LSAMP: variants seen among roughly 807,000 people sequenced by gnomAD.
LSAMP encodes limbic system associated membrane protein.
LSAMP carries 7 observed loss-of-function variants against 38.6 expected under a neutral mutation model. The ratio of observed to expected loss-of-function variants is 0.18; its 90% CI spans 0.10 to 0.34. The LOEUF is 0.34. Ranked by LOEUF, LSAMP falls within the 10% of genes least tolerant of loss-of-function variation. The pLI is 1.00. For synonymous variants in LSAMP, 154 were observed against 166.8 expected (o/e 0.92, Z 0.59); for missense variants, 313 against 420.0 (o/e 0.75, Z 2.23).
intron 1 of LSAMP, among the ~76,000 whole-genome samples, chr3:116,399,533 C>G (rs1043815379): frequency 3.3e-5 from 5 of 152,106 alleles, no homozygotes; most frequent in Non-Finnish European, 7.4e-5. Context: ...TGGTTAGGAT[C>G]AAACACAGAG....
intron 1 of LSAMP, among the ~76,000 whole-genome samples, chr3:116,191,084 G>A (rs953345622): frequency 2.0e-5 from 3 of 152,120 alleles, no homozygotes; most frequent in African/African-American, 4.8e-5. Flanking sequence ...TTAGCCCGGC[G>A]TGGTGACTCG....
At chr3:116,116,580 G>C (rs1047740342) in intron 1 of LSAMP, among the ~76,000 whole-genome samples, 1 of 151,392 alleles carries the variant, frequency 6.6e-6, no homozygotes, top group African/African-American at 2.4e-5. Flanking sequence ...AGCTGGGCGT[G>C]GTGGTGCATG....
chr3:115,886,127 C>T (rs1437458171), intron 3 of LSAMP, among the ~76,000 whole-genome samples: 1 of 151,896 alleles, frequency 6.6e-6, no homozygotes, highest in African/African-American at 2.4e-5. Flanking sequence ...CTTGCCCTTC[C>T]TCTGCCTTTT....
At chr3:115,868,207 G>A (rs1935915819) in intron 3 of LSAMP, among the ~76,000 whole-genome samples, 1 of 152,102 alleles carries the variant, frequency 6.6e-6, no homozygotes, top group Non-Finnish European at 1.5e-5. Context: ...CACAGAAAGA[G>A]CTGTGGGCCA....
At chr3:116,432,221 G>A (rs1391234196) in intron 1 of LSAMP, among the ~76,000 whole-genome samples, 3 of 151,868 alleles carry the variant, frequency 2.0e-5, no homozygotes, top group Non-Finnish European at 2.9e-5. Flanking sequence ...CTATTAAAGT[G>A]TGACGTGACC....
At chr3:116,094,342 T>C (rs138528938) in intron 1 of LSAMP, among the ~76,000 whole-genome samples, 19 of 152,318 alleles carry the variant, frequency 1.2e-4, no homozygotes, top group African/African-American at 3.8e-4. Flanking sequence ...TGACCTCTGG[T>C]TGGACCCCTG....
intron 3 of LSAMP, among the ~76,000 whole-genome samples, chr3:115,898,982 C>T (rs534212656): frequency 1.3e-5 from 2 of 152,186 alleles, no homozygotes; most frequent in South Asian, 4.2e-4. Context: ...ACGTGTACAG[C>T]CATGGGTGTC....
intron 1 of LSAMP, among the ~76,000 whole-genome samples, chr3:116,268,911 C>T (rs1466020978): frequency 6.6e-6 from 1 of 151,936 alleles, no homozygotes; most frequent in African/African-American, 2.4e-5. Flanking sequence ...GCAGTCCAAC[C>T]AGATTAAAGA....
intron 3 of LSAMP, among the ~76,000 whole-genome samples, chr3:115,920,720 T>C (rs930986480): frequency 2.6e-5 from 4 of 152,250 alleles, no homozygotes; most frequent in Admixed American, 6.5e-5. Context: ...TGGGCAATAG[T>C]GTCTTTCAAA....
At chr3:116,264,640 C>T (rs1443652782) in intron 1 of LSAMP, among the ~76,000 whole-genome samples, 3 of 152,188 alleles carry the variant, frequency 2.0e-5, no homozygotes, top group Non-Finnish European at 2.9e-5. Flanking sequence ...TTTGCTCTGT[C>T]GCCCAGGCTA....
chr3:116,098,750 A>C (rs888164923), intron 1 of LSAMP, among the ~76,000 whole-genome samples: 1 of 152,052 alleles, frequency 6.6e-6, no homozygotes, highest in South Asian at 2.1e-4. Flanking sequence ...TCTCTCACCA[A>C]AGCATTTTTT....
chr3:116,027,937 A>T (rs532649715), intron 2 of LSAMP, among the ~76,000 whole-genome samples: 12 of 152,178 alleles, frequency 7.9e-5, no homozygotes, highest in Non-Finnish European at 1.8e-4. Flanking sequence ...GTTATTGTTC[A>T]TTCAAAGATG....
At chr3:116,096,644 C>T (rs1468514058) in intron 1 of LSAMP, among the ~76,000 whole-genome samples, 1 of 152,212 alleles carries the variant, frequency 6.6e-6, no homozygotes, top group Non-Finnish European at 1.5e-5. Flanking sequence ...CCACTTTCAA[C>T]CAGATCCACT....
chr3:116,344,940 C>T (rs2048043925), intron 1 of LSAMP, among the ~76,000 whole-genome samples: 1 of 152,174 alleles, frequency 6.6e-6, no homozygotes, highest in Admixed American at 6.5e-5. Flanking sequence ...TTCCTTAAAA[C>T]TTGTTTTGAT....
At chr3:116,006,769 G>C (rs1940172475) in intron 3 of LSAMP, among the ~76,000 whole-genome samples, 1 of 152,196 alleles carries the variant, frequency 6.6e-6, no homozygotes. Flanking sequence ...TCATCAGAAT[G>C]ACTTTTGTTC....
chr3:115,985,722 A>G (rs992703945), intron 3 of LSAMP, among the ~76,000 whole-genome samples: 15 of 152,316 alleles, frequency 9.8e-5, no homozygotes, highest in African/African-American at 3.4e-4. Context: ...GGGCTTTTCT[A>G]CTGGAAGTCC....
chr3:116,214,307 T>A (rs1465989550), intron 1 of LSAMP, among the ~76,000 whole-genome samples: 2 of 152,112 alleles, frequency 1.3e-5, no homozygotes, highest in African/African-American at 4.8e-5. Flanking sequence ...GTAGGTCAGG[T>A]CGTGTTCAAA....
chr3:116,233,082 T>C (rs1177005413), intron 1 of LSAMP, among the ~76,000 whole-genome samples: 2 of 152,026 alleles, frequency 1.3e-5, no homozygotes, highest in Admixed American at 1.3e-4. Flanking sequence ...GAATCTTGTA[T>C]TATAGAAAAG....
At chr3:115,842,378 G>A in intron 5 of LSAMP, 80 bp downstream of exon 5, 2 of 1,527,810 alleles carry the variant, frequency 1.3e-6, no homozygotes, top group Non-Finnish European at 1.8e-6. Context: ...AACTGGCTTG[G>A]CTTTGGCTTT....
Sources: allele counts gnomAD v4.1 joint callset (sites outside exome capture counted in the v4.1 genomes callset), GRCh38; gene constraint gnomAD v4.1.1; transcripts MANE v1.5; gene names NCBI Gene and HGNC (gene_info 2026-07-23, HGNC 2026-07-21).